The following NLK variants were observed in gnomAD, a reference collection of about 807,000 sequenced individuals.
NLK encodes the protein serine/threonine-protein kinase NLK.
Under a neutral mutation model 59.0 loss-of-function variants are expected in NLK, and 11 were observed. The observed-to-expected ratio is 0.19, with a 90% confidence interval of 0.12 to 0.31. The LOEUF is 0.31. NLK is among the 10% of genes least tolerant of loss of function. The probability of loss-of-function intolerance (pLI) is 1.00; values close to 1 mark genes in which losing one functional copy is unlikely to be tolerated. For missense variants in NLK, 410 were observed against 661.1 expected (o/e 0.62, Z 4.16); for synonymous variants, 235 against 235.9 (o/e 1.00, Z 0.03).
At chr17:28,167,793 A>G (rs1026354404) in intron 5 of NLK, among the ~76,000 whole-genome samples, 4 of 151,948 alleles carry the variant, frequency 2.6e-5, no homozygotes, top group Admixed American at 2.0e-4. Flanking sequence ...CGATCACGCC[A>G]CTGCACTCCA....
rs1311397489 is a variant in NLK, at chr17:28,168,567, C to T, written c.957C>T (p.Ser319=). Residue 319 remains serine, a synonymous_variant, in exon 6 of 11, where the codon AGC becomes AGT. Coordinates refer to ENST00000407008, the MANE Select transcript of NLK (RefSeq NM_016231.5). Reference sequence around the variant, plus strand: ...TCCTGATGGGCAGCCGTCATTACAGCAATGCTATTGACATCTGGTCTGTGG... The same window carrying T: ...TCCTGATGGGCAGCCGTCATTACAGTAATGCTATTGACATCTGGTCTGTGG... ...PEILMGSRHY[S]NAIDIWSVGC... The T allele has an allele frequency of 2.5e-6, 4 of 1,613,238 alleles. No homozygotes were observed. The highest frequency in any genetic ancestry group is 3.3e-5 in the Admixed American group (2 of 60,000).
chr17:28,130,611 TA>T (rs1906477073), intron 2 of NLK, among the ~76,000 whole-genome samples: 1 of 152,190 alleles, frequency 6.6e-6, no homozygotes. Flanking sequence ...CACTTTCTTC[TA>T]GATAACCTCT....
intron 1 of NLK, among the ~76,000 whole-genome samples, chr17:28,081,345 C>A (rs1910339831): frequency 6.6e-6 from 1 of 151,622 alleles, no homozygotes; most frequent in Admixed American, 6.6e-5. Flanking sequence ...GCCACATGCC[C>A]AGCTAATTTA....
intron 2 of NLK, 35 bp downstream of exon 2, chr17:28,122,767 C>G (rs1352163412): frequency 6.2e-7 from 1 of 1,611,344 alleles, no homozygotes. Flanking sequence ...AAACTATTTC[C>G]TAAGCCTCCT....
chr17:28,100,313 C>G (rs1225128623), intron 1 of NLK, among the ~76,000 whole-genome samples: 1 of 152,122 alleles, frequency 6.6e-6, no homozygotes, highest in Non-Finnish European at 1.5e-5. Flanking sequence ...AGGATTTTCT[C>G]CAAATCCTCA....
chr17:28,097,167 A>G (rs914548183), intron 1 of NLK, among the ~76,000 whole-genome samples: 1 of 152,192 alleles, frequency 6.6e-6, no homozygotes, highest in South Asian at 2.1e-4. Context: ...GATGCATATT[A>G]TAAGTTATTT....
intron 3 of NLK, among the ~76,000 whole-genome samples, chr17:28,132,974 G>A (rs746845302): frequency 6.6e-6 from 1 of 152,198 alleles, no homozygotes; most frequent in African/African-American, 2.4e-5. Context: ...TGAGGCAGCT[G>A]TGTTGTAGTA....
At chr17:28,087,254 T>A (rs1213738923) in intron 1 of NLK, among the ~76,000 whole-genome samples, 4 of 152,188 alleles carry the variant, frequency 2.6e-5, no homozygotes, top group Non-Finnish European at 5.9e-5. Flanking sequence ...GATTTAATTT[T>A]TTAACTTTTA....
chr17:28,070,136 T>C (rs1909959022), intron 1 of NLK, among the ~76,000 whole-genome samples: 1 of 151,702 alleles, frequency 6.6e-6, no homozygotes, highest in African/African-American at 2.4e-5. Flanking sequence ...CTCAGGAGGC[T>C]GAGGCATGAG....
chr17:28,115,300 G>A (rs1190836552), intron 1 of NLK, among the ~76,000 whole-genome samples: 1 of 152,224 alleles, frequency 6.6e-6, no homozygotes, highest in African/African-American at 2.4e-5. Flanking sequence ...CATGGAGCCA[G>A]TTGGCAAAAC....
rs534832679 is a variant in NLK, at chr17:28,080,811, G to A, written c.458+37480G>A. On this transcript the variant is annotated intron_variant, in intron 1 of 10. Transcript: ENST00000407008. ...CTAGCTGCTTCTAAAAGATTTATTCGGTGTAAGTTAATGTTTTTAATTGTG... is the reference window on the plus strand; with the variant it reads ...CTAGCTGCTTCTAAAAGATTTATTCAGTGTAAGTTAATGTTTTTAATTGTG... 5.9e-5 allele frequency among the ~76,000 whole-genome samples: 9 copies of A among 152,230 alleles called. No individual in the cohort carries two copies. The South Asian group carries it at 1.5e-3, about 25-fold the overall frequency.
At chr17:28,063,119 A>G (rs1909720642) in intron 1 of NLK, among the ~76,000 whole-genome samples, 1 of 151,962 alleles carries the variant, frequency 6.6e-6, no homozygotes, top group South Asian at 2.1e-4. Context: ...TTTTGTAGAG[A>G]TGGGGTTTTG....
intron 1 of NLK, among the ~76,000 whole-genome samples, chr17:28,086,582 T>C (rs1442235697): frequency 6.6e-6 from 1 of 152,144 alleles, no homozygotes; most frequent in East Asian, 1.9e-4. Flanking sequence ...ATAACTGAAT[T>C]TTTATAAAGA....
At chr17:28,116,324 T>C (rs1905768056) in intron 1 of NLK, 1 of 203,680 alleles carries the variant, frequency 4.9e-6, no homozygotes, top group Admixed American at 4.4e-5. Flanking sequence ...GATCAGACCA[T>C]GCTGGTTTGA....
chr17:28,087,493 T>C (rs1376597049), intron 1 of NLK, among the ~76,000 whole-genome samples: 1 of 152,146 alleles, frequency 6.6e-6, no homozygotes, highest in African/African-American at 2.4e-5. Flanking sequence ...TAAATCAGAA[T>C]AGAAGATCAT....
At chr17:28,043,968 TTAG>T (rs767144962) in intron 1 of NLK, among the ~76,000 whole-genome samples, 5 of 152,288 alleles carry the variant, frequency 3.3e-5, no homozygotes, top group Non-Finnish European at 7.4e-5. Flanking sequence ...ACAAATGAGG[TTAG>T]TAGACTAGCT....
In NLK at chr17:28,118,574, A is replaced by G. The variant is rs548242062; in HGVS notation, c.459-4029A>G. On this transcript the variant is annotated intron_variant, in intron 1 of 10. Coordinates refer to ENST00000407008, the MANE Select transcript of NLK (RefSeq NM_016231.5). ...ATAAGTTTCACTTTTGTTTCATTAC[A>G]ACTTTTCTGCTTGTCAGTAATTTAA... Among the ~76,000 whole-genome samples the G allele has an allele frequency of 7.9e-5, 12 of 152,288 alleles. 1 individual carries two copies. In the South Asian group the frequency reaches 2.5e-3, roughly 32 times the overall value.
intron 7 of NLK, among the ~76,000 whole-genome samples, chr17:28,182,196 A>G (rs1212394190): frequency 6.6e-6 from 1 of 152,224 alleles, no homozygotes; most frequent in African/African-American, 2.4e-5. Context: ...TTGATCCTGA[A>G]GAAAACTTAT....
At chr17:28,145,959 G>T (rs764395372) in intron 3 of NLK, among the ~76,000 whole-genome samples, 1 of 152,148 alleles carries the variant, frequency 6.6e-6, no homozygotes, top group African/African-American at 2.4e-5. Flanking sequence ...ACCCACCTCA[G>T]CCTCCCAAAG....
Sources: allele counts gnomAD v4.1 joint callset (sites outside exome capture counted in the v4.1 genomes callset), GRCh38; gene constraint gnomAD v4.1.1; transcripts MANE v1.5; gene names NCBI Gene and HGNC (gene_info 2026-07-23, HGNC 2026-07-21).